MAP3K15: variants seen among roughly 807,000 people sequenced by gnomAD.
MAP3K15 encodes MAPK/ERK kinase kinase 15.
Under a neutral mutation model 99.5 loss-of-function variants are expected in MAP3K15, and 124 were observed. The observed-to-expected ratio is 1.25, with a 90% CI of 1.08 to 1.45. MAP3K15 has a LOEUF of 1.45. MAP3K15 is among the 40% of genes most tolerant of loss of function. The pLI is 0.00. For missense variants in MAP3K15, 1,242 were observed against 1,079.7 expected (o/e 1.15, Z -2.11); for synonymous variants, 494 against 439.6 (o/e 1.12, Z -1.55).
chrX:19,456,555 T>C (rs1053656377), intron 6 of MAP3K15, among the ~76,000 whole-genome samples: 2 of 112,183 alleles, frequency 1.8e-5, no homozygotes, highest in African/African-American at 6.5e-5. Context: ...TGTTTCCATG[T>C]GTATAGCCAA....
chrX:19,361,486 A>G lies in MAP3K15; in HGVS notation c.3780+7T>C. On this transcript the variant is annotated splice_region_variant and intron_variant, in intron 27 of 28. Transcript: ENST00000338883. Reference sequence around the variant, plus strand: ...ACAGCATAAGAATTTCTTTGTTGTAAATTTACCTTTTCAATTGTCTTTGCA... The same window carrying G: ...ACAGCATAAGAATTTCTTTGTTGTAGATTTACCTTTTCAATTGTCTTTGCA... The G allele has an allele frequency of 8.3e-7, 1 of 1,206,480 alleles. No homozygotes were observed. The highest frequency in any genetic ancestry group is 1.1e-6 in the Non-Finnish European group (1 of 890,861).
chrX:19,439,375 G>A (rs1204170007), intron 6 of MAP3K15, among the ~76,000 whole-genome samples: 2 of 111,771 alleles, frequency 1.8e-5, no homozygotes, highest in East Asian at 5.6e-4. Context: ...CTAACACAGG[G>A]ATATAATATT....
At chrX:19,376,236 G>A (rs1340114781) in intron 19 of MAP3K15, among the ~76,000 whole-genome samples, 1 of 110,865 alleles carries the variant, frequency 9.0e-6, no homozygotes, top group Non-Finnish European at 1.9e-5. Flanking sequence ...CTGGAGGCTG[G>A]AAGTCCAAGA....
chrX:19,482,292 T>C (rs1247875991), intron 3 of MAP3K15: 1 of 110,222 alleles, frequency 9.1e-6, no homozygotes, highest in Non-Finnish European at 1.9e-5. Context: ...CACTCGAATA[T>C]TCACAGTGGT....
At chrX:19,511,403 G>A (rs1325184089) in intron 1 of MAP3K15, among the ~76,000 whole-genome samples, 2 of 111,422 alleles carry the variant, frequency 1.8e-5, no homozygotes, top group Non-Finnish European at 3.8e-5. Flanking sequence ...ATGGGAGAAC[G>A]TTTTTGGAAT....
chrX:19,382,394 T>C (rs2063464775), intron 18 of MAP3K15, among the ~76,000 whole-genome samples: 1 of 111,563 alleles, frequency 9.0e-6, no homozygotes, highest in Admixed American at 9.5e-5. Flanking sequence ...ACGGATGGAA[T>C]GTCCTGCGCT....
chrX:19,507,269 G>T (rs962574535), intron 1 of MAP3K15, among the ~76,000 whole-genome samples: 1 of 111,186 alleles, frequency 9.0e-6, no homozygotes, highest in African/African-American at 3.3e-5. Context: ...CATCCCAGGA[G>T]GATAGTTTCC....
chrX:19,445,953 T>TAAATAAA, intron 6 of MAP3K15, among the ~76,000 whole-genome samples: 1 of 99,790 alleles, frequency 1.0e-5, no homozygotes, highest in East Asian at 3.0e-4. Flanking sequence ...ATCTCAAAAA[T>TAAATAAA]CAATAAATAA....
At chrX:19,445,720 A>G (rs1234268053) in intron 6 of MAP3K15, among the ~76,000 whole-genome samples, 1 of 109,563 alleles carries the variant, frequency 9.1e-6, no homozygotes, top group Non-Finnish European at 1.9e-5. Context: ...AGGCGGGTGG[A>G]TCACCCTCAT....
intron 1 of MAP3K15, among the ~76,000 whole-genome samples, chrX:19,502,108 A>G (rs182393516): frequency 9.0e-6 from 1 of 111,270 alleles, no homozygotes; most frequent in East Asian, 2.8e-4. Context: ...GCCTGTGAGG[A>G]AAGAAAACCT....
chrX:19,376,369 T>A (rs763777427), intron 19 of MAP3K15, among the ~76,000 whole-genome samples: 2 of 109,950 alleles, frequency 1.8e-5, no homozygotes, highest in African/African-American at 6.6e-5. Context: ...TGCACCCCCC[T>A]CTCTCCTCTG....
In MAP3K15 at chrX:19,361,501, T is replaced by C. The variant is rs1269336518; in HGVS notation, c.3772A>G (p.Ile1258Val). The C allele has an allele frequency of 8.3e-7, 1 of 1,209,379 alleles. No individual in the cohort carries two copies. ...CTTTGTTGTAAATTTACCTTTTCAA[T>C]TGTCTTTGCATCAGCTCCTTGCAGC... ...LRLQGADAKT[I>V]EKIVEEGYTL... The change falls in exon 27 of 29, where the codon ATT becomes GTT. Residue 1258 changes from isoleucine to valine, a missense_variant. Physicochemically the swap from Ile to Val is conservative, Grantham distance 29. Coordinates refer to ENST00000338883, the MANE Select transcript of MAP3K15 (RefSeq NM_001001671.4).
chrX:19,381,384 G>C (rs1448481248), intron 18 of MAP3K15, among the ~76,000 whole-genome samples: 1 of 112,100 alleles, frequency 8.9e-6, no homozygotes, highest in Non-Finnish European at 1.9e-5. Flanking sequence ...GGCTGCTGGG[G>C]AGTCTGCAGC....
intron 6 of MAP3K15, among the ~76,000 whole-genome samples, chrX:19,442,714 T>TATC (rs1266020729): frequency 1.0e-5 from 1 of 98,620 alleles, no homozygotes; most frequent in Admixed American, 1.1e-4. Flanking sequence ...TTATTATTAT[T>TATC]ATCATTATTA....
chrX:19,369,260 G>A (rs771925517), intron 24 of MAP3K15, 41 bp from the exon 25 acceptor site: 2 of 1,204,985 alleles, frequency 1.7e-6, no homozygotes, highest in Non-Finnish European at 2.2e-6. Flanking sequence ...AGCAAACCAG[G>A]CCAGTGGGGC....
At chrX:19,413,317 T>A in intron 11 of MAP3K15, 40 bp downstream of exon 11, 1 of 1,076,343 alleles carries the variant, frequency 9.3e-7, no homozygotes, top group Non-Finnish European at 1.3e-6. Context: ...ACTCTCCTAT[T>A]TGAAAACTGA....
At chrX:19,431,883 G>C (rs1216286050) in intron 6 of MAP3K15, among the ~76,000 whole-genome samples, 1 of 109,191 alleles carries the variant, frequency 9.2e-6, no homozygotes, top group African/African-American at 3.3e-5. Context: ...GGCAGAGGTT[G>C]CAGTGAACCA....
rs1448874787 is a variant in MAP3K15 at position 19,513,975 on chromosome X, G to A, written c.361+926C>T. Among the ~76,000 whole-genome samples, 4 of 110,727 alleles carry A rather than the reference G, an allele frequency of 3.6e-5. 1 individual carries two copies. The highest frequency in any genetic ancestry group is 2.9e-4 in the Admixed American group (3 of 10,360). ...GACCTAGAGTCCCACTCCAGCAAAG[G>A]TGCCCCCTAACCCGTGAATGCTGTG... is the stretch of plus-strand genomic sequence containing the variant. On this transcript the variant is annotated intron_variant, in intron 1 of 28. Transcript: ENST00000338883.
intron 18 of MAP3K15, among the ~76,000 whole-genome samples, chrX:19,386,815 G>C (rs773314768): frequency 5.4e-5 from 6 of 111,099 alleles, no homozygotes; most frequent in African/African-American, 1.6e-4. Context: ...AGTAGTTTAG[G>C]GGGGTGGTGC....
Sources: gnomAD v4.1 joint callset for allele counts (sites outside exome capture counted in the v4.1 genomes callset) on GRCh38, gnomAD v4.1.1 for gene constraint, MANE v1.5 for transcripts, NCBI Gene and HGNC (gene_info 2026-07-23, HGNC 2026-07-21) for gene names.